ABLIM1: variants seen among roughly 807,000 people sequenced by gnomAD.
ABLIM1 encodes actin-binding LIM protein 1.
ABLIM1 carries 40 observed loss-of-function variants against 107.0 expected under a neutral mutation model. The ratio of observed to expected loss-of-function variants is 0.37; its 90% CI spans 0.29 to 0.49. The LOEUF is 0.49. Ranked by LOEUF, ABLIM1 falls within the 20% of genes least tolerant of loss-of-function variation. The probability of loss-of-function intolerance (pLI) is 0.97; values close to 1 mark genes in which losing one functional copy is unlikely to be tolerated. For synonymous variants in ABLIM1, 357 were observed against 357.3 expected (o/e 1.00, Z 0.01); for missense variants, 857 against 1,008.5 (o/e 0.85, Z 2.04).
intron 12 of ABLIM1, among the ~76,000 whole-genome samples, chr10:114,454,597 G>A (rs1019828091): frequency 6.6e-6 from 1 of 152,140 alleles, no homozygotes; most frequent in Non-Finnish European, 1.5e-5. Context: ...AGGGGTGGCT[G>A]CAAAAGCTTT....
intron 6 of ABLIM1, among the ~76,000 whole-genome samples, chr10:114,499,586 C>T (rs917523688): frequency 6.6e-6 from 1 of 152,072 alleles, no homozygotes; most frequent in African/African-American, 2.4e-5. Flanking sequence ...AAAATGGGTT[C>T]GATGGCCTTA....
chr10:114,491,010 G>GTATATATATATATATATATATA (rs1484101683), intron 7 of ABLIM1, among the ~76,000 whole-genome samples: 1 of 89,184 alleles, frequency 1.1e-5, no homozygotes, highest in Non-Finnish European at 2.1e-5. Context: ...GTGTGTGTGT[G>GTATATATATATATATATATATA]TGTATATATA....
At chr10:114,484,318 G>A (rs763672808) in intron 8 of ABLIM1, among the ~76,000 whole-genome samples, 9 of 152,098 alleles carry the variant, frequency 5.9e-5, no homozygotes, top group African/African-American at 2.2e-4. Flanking sequence ...GAGATTATAC[G>A]TAAATCCCCC....
chr10:114,482,740 A>C (rs2057566565), intron 8 of ABLIM1, among the ~76,000 whole-genome samples: 1 of 152,200 alleles, frequency 6.6e-6, no homozygotes, highest in South Asian at 2.1e-4. Flanking sequence ...ACAAGATAGG[A>C]GGAGAGAAGT....
At chr10:114,632,829 A>G in intron 1 of ABLIM1, 1 of 974,364 alleles carries the variant, frequency 1.0e-6, no homozygotes, top group Non-Finnish European at 1.2e-6. Flanking sequence ...AGGGACAAAC[A>G]GCCTCATCTA....
chr10:114,660,954 C>A (rs1485730438), upstream of ABLIM1, among the ~76,000 whole-genome samples: 1 of 152,136 alleles, frequency 6.6e-6, no homozygotes, highest in East Asian at 1.9e-4. Context: ...TCAAGCATTG[C>A]CCACAAAAAC....
intron 1 of ABLIM1, among the ~76,000 whole-genome samples, chr10:114,757,567 A>G (rs1219281729): frequency 6.6e-6 from 1 of 152,124 alleles, no homozygotes; most frequent in African/African-American, 2.4e-5. Flanking sequence ...CATGTTGCCA[A>G]CTCATCAGCA....
At chr10:114,688,140 A>G (rs146944367), upstream of ABLIM1, among the ~76,000 whole-genome samples, 29 of 152,312 alleles carry the variant, frequency 1.9e-4, 1 homozygote, top group East Asian at 5.4e-3. Context: ...CAGAAAGCTT[A>G]ACCTAGAAAT....
chr10:114,745,571 T>A (rs1024689426), intron 1 of ABLIM1, among the ~76,000 whole-genome samples: 1 of 151,234 alleles, frequency 6.6e-6, no homozygotes, highest in African/African-American at 2.4e-5. Context: ...CTAACATATA[T>A]AAAATATTTC....
chr10:114,628,922 T>C (rs558332860), intron 1 of ABLIM1, among the ~76,000 whole-genome samples: 1 of 152,272 alleles, frequency 6.6e-6, no homozygotes, highest in Admixed American at 6.5e-5. Flanking sequence ...TTGACGAGCG[T>C]GTATTTAGGA....
At chr10:114,790,018 C>T in the ABLIM1 span, among the ~76,000 whole-genome samples, 1 of 152,344 alleles carries the variant, frequency 6.6e-6, no homozygotes, top group Non-Finnish European at 1.5e-5. Context: ...GTCTAGAACT[C>T]CTGACTTCAG....
intron 1 of ABLIM1, among the ~76,000 whole-genome samples, chr10:114,679,648 A>AAG (rs1433051841): frequency 1.3e-5 from 2 of 151,914 alleles, no homozygotes; most frequent in Admixed American, 1.3e-4. Context: ...AAAAAAAAAA[A>AAG]AAAAAGAAAT....
chr10:114,597,417 C>T (rs1326651918), intron 2 of ABLIM1, among the ~76,000 whole-genome samples: 1 of 150,652 alleles, frequency 6.6e-6, no homozygotes. Flanking sequence ...ACTTTCTGAT[C>T]AATTTTCCCA....
At chr10:114,732,670 A>G (rs1452194262) in intron 1 of ABLIM1, among the ~76,000 whole-genome samples, 1 of 152,110 alleles carries the variant, frequency 6.6e-6, no homozygotes, top group Non-Finnish European at 1.5e-5. Context: ...GTTTTTTTCT[A>G]TCTCACTTAC....
At chr10:114,652,251 T>C (rs554090019) in intron 1 of ABLIM1, among the ~76,000 whole-genome samples, 6 of 152,338 alleles carry the variant, frequency 3.9e-5, no homozygotes, top group African/African-American at 1.4e-4. Context: ...TTGTGGCCTA[T>C]GGCCTACTAT....
At chr10:114,609,299 G>A (rs181546339) in intron 1 of ABLIM1, among the ~76,000 whole-genome samples, 35 of 152,326 alleles carry the variant, frequency 2.3e-4, no homozygotes, top group Admixed American at 2.3e-3. Context: ...ATTCTCGCCA[G>A]TGCCTTCACT....
chr10:114,771,813 G>C (rs907505630), upstream of ABLIM1, among the ~76,000 whole-genome samples: 1 of 152,062 alleles, frequency 6.6e-6, no homozygotes, highest in African/African-American at 2.4e-5. Flanking sequence ...TAGACCAAAG[G>C]GATGAAACAC....
intron 6 of ABLIM1, among the ~76,000 whole-genome samples, chr10:114,530,397 A>G (rs2065324104): frequency 6.6e-6 from 1 of 152,226 alleles, no homozygotes; most frequent in Admixed American, 6.5e-5. Context: ...TATACAGAGC[A>G]GTTAAACAGA....
chr10:114,665,572 T>G (rs1241577351), intron 1 of ABLIM1, among the ~76,000 whole-genome samples: 5 of 152,260 alleles, frequency 3.3e-5, no homozygotes, highest in Admixed American at 6.5e-5. Flanking sequence ...TAACATGGCA[T>G]GACCTTTGAG....
Sources: gnomAD v4.1 joint callset for allele counts (sites outside exome capture counted in the v4.1 genomes callset) on GRCh38, gnomAD v4.1.1 for gene constraint, MANE v1.5 for transcripts, NCBI Gene and HGNC (gene_info 2026-07-23, HGNC 2026-07-21) for gene names.